Variants in UBR1 observed in about 807,000 individuals in gnomAD.
The protein encoded by UBR1 is ubiquitin protein ligase E3 component n-recognin 1, also known as E3 ubiquitin-protein ligase UBR1.
UBR1 carries 102 observed loss-of-function variants against 242.1 expected under a neutral mutation model. The ratio of observed to expected loss-of-function variants is 0.42; its 90% confidence interval spans 0.36 to 0.50. The LOEUF (loss-of-function observed/expected upper bound fraction) is 0.50. Among genes scored for constraint, UBR1 ranks in the 20% least tolerant of loss-of-function variants. UBR1 has a pLI of 0.01. For missense variants in UBR1, 1,772 were observed against 2,101.8 expected, an observed-to-expected ratio of 0.84 and a Z score of 3.07; for synonymous variants, 675 against 684.8, an observed-to-expected ratio of 0.99 and a Z score of 0.22.
chr15:43,079,805 A>C (rs1005365573), intron 3 of UBR1, among the ~76,000 whole-genome samples: 2 of 151,614 alleles, frequency 1.3e-5, no homozygotes, highest in Non-Finnish European at 2.9e-5. Context: ...TAAATAAATA[A>C]ATAAAAGTCC....
chr15:43,004,975 C>A (rs571150388), intron 30 of UBR1, among the ~76,000 whole-genome samples: 1 of 150,998 alleles, frequency 6.6e-6, no homozygotes, highest in Admixed American at 6.6e-5. Flanking sequence ...ATGTGGGGAG[C>A]ACCTCTGCCA....
At chr15:43,037,973 C>G (rs991683885) in intron 16 of UBR1, 90 bp from the exon 17 acceptor site, 2 of 1,343,352 alleles carry the variant, frequency 1.5e-6, no homozygotes, top group African/African-American at 2.9e-5. Context: ...AGTTTTCTCA[C>G]GTGAAAAATG....
intron 6 of UBR1, among the ~76,000 whole-genome samples, chr15:43,061,093 G>C (rs755995717): frequency 6.6e-6 from 1 of 152,128 alleles, no homozygotes; most frequent in Non-Finnish European, 1.5e-5. Context: ...ACAAACAGGG[G>C]GAGGAAAACC....
intron 5 of UBR1, 124 bp from the exon 6 acceptor site, chr15:43,068,160 A>G: frequency 3.8e-6 from 2 of 523,718 alleles, no homozygotes; most frequent in Non-Finnish European, 6.3e-6. Context: ...GGAAAGTAAC[A>G]CCATAAAAGT....
rs887292376 is a variant in UBR1 at position 43,031,259 on chromosome 15, G to GA, written c.2255-1192dup. On this transcript the variant is annotated intron_variant, in intron 20 of 46. Transcript: ENST00000290650. ...GTATTAACTAAAAATCAAATCACAA[G>GA]AAAAAAAAAACAATAAATTTGGGCA... 1.3e-3 allele frequency among the ~76,000 whole-genome samples: 182 copies of GA among 137,876 alleles called. 1 individual carries two copies. Among genetic ancestry groups the GA allele is most frequent in the African/African-American group, 3.1e-3 (118 of 37,578 alleles). The allele number at this position is 137,876 out of a possible 152,430, so 90.5% of individuals were successfully genotyped here.
intron 2 of UBR1, among the ~76,000 whole-genome samples, chr15:43,083,612 CCT>C (rs2033998879): frequency 6.6e-6 from 1 of 151,876 alleles, no homozygotes; most frequent in African/African-American, 2.4e-5. Context: ...GAACTCCTGA[CCT>C]CAAGTGATCT....
chr15:43,051,878 T>C (rs992265501), intron 12 of UBR1, among the ~76,000 whole-genome samples: 4 of 152,060 alleles, frequency 2.6e-5, no homozygotes, highest in African/African-American at 7.2e-5. Flanking sequence ...GGTTTGAGAG[T>C]GTGCTATACT....
chr15:43,065,139 A>G (rs891848873), intron 6 of UBR1, among the ~76,000 whole-genome samples: 6 of 152,180 alleles, frequency 3.9e-5, no homozygotes, highest in African/African-American at 1.4e-4. Context: ...TATGACCTAT[A>G]AGTAAAATGT....
At chr15:42,964,185 G>C in intron 41 of UBR1, 142 bp from the exon 42 acceptor site, 1 of 675,844 alleles carries the variant, frequency 1.5e-6, no homozygotes, top group South Asian at 1.6e-5. Flanking sequence ...ACCATGGGTG[G>C]CAGTCCGGGC....
rs774222169 is a variant in UBR1, at chr15:42,950,308, G to A, written c.5062C>T (p.Pro1688Ser). ...VEGKARGCAYPAPYLDEYGET... is the reference protein window; with the variant it reads ...VEGKARGCAYSAPYLDEYGET... ...CCATATTCATCCAAGTAAGGAGCTG[G>A]ATAGGCACAGCCTCTGGCTTTACCT... is the stretch of plus-strand genomic sequence containing the variant. Residue 1688 changes from proline (P) to serine (S), a missense_variant, in exon 46 of 47, where the codon CCA (proline) becomes TCA (serine). Physicochemically the swap from Pro to Ser is moderately conservative, Grantham distance 74. This residue lies in a region of UBR1 where 965 missense variants were observed against 1,079.7 expected (regional missense o/e 0.89). Coordinates refer to ENST00000290650, the MANE Select transcript of UBR1 (RefSeq NM_174916.3). 103 of 1,614,018 alleles carry A rather than the reference G, an allele frequency of 6.4e-5. No individual in the cohort carries two copies. Among genetic ancestry groups the A allele is most frequent in the Non-Finnish European group, 8.4e-5 (99 of 1,180,034 alleles).
chr15:42,994,939 AT>A (rs1264454338), intron 33 of UBR1, among the ~76,000 whole-genome samples: 3 of 152,216 alleles, frequency 2.0e-5, no homozygotes, highest in Non-Finnish European at 2.9e-5. Context: ...TTGCTCAAAA[AT>A]TTTTAATCAT....
At chr15:43,021,515 C>G in intron 26 of UBR1, 140 bp from the exon 27 acceptor site, 2 of 730,314 alleles carry the variant, frequency 2.7e-6, no homozygotes, top group Non-Finnish European at 4.7e-6. Flanking sequence ...GTAGTATTTG[C>G]ATAAAATCTA....
At chr15:42,976,976 T>C (rs1445396249) in intron 38 of UBR1, 109 bp from the exon 39 acceptor site, 13 of 1,221,796 alleles carry the variant, frequency 1.1e-5, no homozygotes, top group Non-Finnish European at 1.5e-5. Flanking sequence ...TTTGTGTGTG[T>C]GTTTTTTAAT....
Position 43,043,311 on chromosome 15 carries a change from C to A in UBR1, c.1753G>T (p.Val585Leu), listed in dbSNP as rs987679003. 12 of 1,613,988 alleles carry A rather than the reference C, an allele frequency of 7.4e-6. No individual in the cohort carries two copies. The highest frequency in any genetic ancestry group is 9.3e-6 in the Non-Finnish European group (11 of 1,180,002). Residue 585 changes from valine (V) to leucine (L), a missense_variant, in exon 15 of 47, where the codon GTA (valine) becomes TTA (leucine). This residue lies in a region of UBR1 where 734 missense variants were observed against 893.3 expected (regional missense o/e 0.82). Transcript: ENST00000290650. ...STSFISSSKT[V>L]VQSCGHSLET... is the part of the protein sequence containing the mutation. ...AAACTATGTCCACACGATTGTACTA[C>A]TGTCTTGCTACTAGATATGAAACTG...
chr15:42,949,223 G>A (rs2141247823), intron 46 of UBR1, among the ~76,000 whole-genome samples: 1 of 137,118 alleles, frequency 7.3e-6, no homozygotes, highest in Middle Eastern at 3.9e-3. Flanking sequence ...GGTGGGAATT[G>A]AACAATGAGA....
At chr15:43,070,594 C>T (rs1033269533) in intron 5 of UBR1, among the ~76,000 whole-genome samples, 1 of 152,172 alleles carries the variant, frequency 6.6e-6, no homozygotes, top group Non-Finnish European at 1.5e-5. Context: ...TGATACACTA[C>T]TCTTTTGGCT....
At chr15:43,014,912 C>G (rs566778810) in intron 29 of UBR1, among the ~76,000 whole-genome samples, 1 of 150,994 alleles carries the variant, frequency 6.6e-6, no homozygotes, top group Non-Finnish European at 1.5e-5. Flanking sequence ...CCAGCCACCC[C>G]GTCCGGGAGG....
chr15:43,068,088 G>GT (rs1491440503), intron 5 of UBR1, 52 bp from the exon 6 acceptor site: 21 of 579,772 alleles, frequency 3.6e-5, no homozygotes, highest in Non-Finnish European at 4.3e-5. Flanking sequence ...TAAAGGAAAA[G>GT]TAAAAAAAAA....
intron 32 of UBR1, among the ~76,000 whole-genome samples, chr15:43,001,307 C>G (rs1157074371): frequency 6.6e-6 from 1 of 152,040 alleles, no homozygotes; most frequent in Non-Finnish European, 1.5e-5. Flanking sequence ...ACCATCACAC[C>G]CAACTAATTT....
Sources: gnomAD v4.1 joint callset for allele counts (sites outside exome capture counted in the v4.1 genomes callset) on GRCh38, gnomAD v4.1.1 for gene constraint, gnomAD v4.1.1 regional missense constraint, MANE v1.5 for transcripts, NCBI Gene and HGNC (gene_info 2026-07-23, HGNC 2026-07-21) for gene names.